The following GALNT17 variants were observed in gnomAD, a reference collection of about 807,000 sequenced individuals.
The protein encoded by GALNT17 is polypeptide N-acetylgalactosaminyltransferase 17, also known as UDP-GalNAc:polypeptide N-acetylgalactosaminyltransferase-like 3.
Under a neutral mutation model 63.7 loss-of-function variants are expected in GALNT17, and 29 were observed. The ratio of observed to expected loss-of-function variants is 0.46; its 90% CI spans 0.34 to 0.62. GALNT17 has a LOEUF of 0.62. GALNT17 is among the 20% of genes least tolerant of loss of function. GALNT17 has a pLI of 0.01. For missense variants in GALNT17, 603 were observed against 799.6 expected (o/e 0.75, Z 2.97); for synonymous variants, 305 against 318.3 (o/e 0.96, Z 0.45).
intron 1 of GALNT17, among the ~76,000 whole-genome samples, chr7:71,141,817 C>T (rs1787897684): frequency 6.7e-6 from 1 of 149,150 alleles, no homozygotes; most frequent in African/African-American, 2.5e-5. Flanking sequence ...GCTGGGATTA[C>T]AGGTATGCGC....
intron 6 of GALNT17, among the ~76,000 whole-genome samples, chr7:71,584,316 T>A (rs1440075370): frequency 6.6e-6 from 1 of 152,206 alleles, no homozygotes; most frequent in Non-Finnish European, 1.5e-5. Context: ...TTATGCTAAT[T>A]TCTTTTATTT....
intron 5 of GALNT17, among the ~76,000 whole-genome samples, chr7:71,459,646 T>C (rs1472309808): frequency 1.3e-5 from 2 of 152,212 alleles, no homozygotes; most frequent in Non-Finnish European, 2.9e-5. Context: ...TCCCAAAACA[T>C]GTTTCTTGGC....
intron 2 of GALNT17, among the ~76,000 whole-genome samples, chr7:71,350,288 C>T (rs1792167183): frequency 1.3e-5 from 2 of 152,086 alleles, no homozygotes; most frequent in South Asian, 4.2e-4. Flanking sequence ...TCAGTAAATA[C>T]TCGTCAATCA....
intron 6 of GALNT17, among the ~76,000 whole-genome samples, chr7:71,582,345 C>T (rs1003796290): frequency 6.6e-6 from 1 of 150,396 alleles, no homozygotes; most frequent in African/African-American, 2.5e-5. Flanking sequence ...GAGGTCAAGA[C>T]GGGCAGATCA....
chr7:71,383,501 C>T (rs6947624), intron 2 of GALNT17, among the ~76,000 whole-genome samples: 6,082 of 152,094 alleles, frequency 0.04, 350 homozygotes, highest in African/African-American at 0.12. Flanking sequence ...TGCAGTGGTG[C>T]GGTCATAGCT....
chr7:71,561,663 C>A (rs1789258189), intron 5 of GALNT17, among the ~76,000 whole-genome samples: 1 of 152,160 alleles, frequency 6.6e-6, no homozygotes, highest in Non-Finnish European at 1.5e-5. Context: ...GGAGATATGG[C>A]TGCCAGAGAA....
At position 71,265,118 on chromosome 7, in the gene GALNT17, A is replaced by ATATATTTTTTTTT. The variant is rs1390488895; in HGVS notation, c.239-70431_239-70430insATATTTTTTTTTT. Among the ~76,000 whole-genome samples the ATATATTTTTTTTT allele has an allele frequency of 1.0e-3, 39 of 37,414 alleles. 1 individual carries two copies. The highest frequency in any genetic ancestry group is 2.5e-3 in the South Asian group (2 of 800). 24.5% of individuals were successfully genotyped at this position (37,414 alleles called of 152,430 possible). A position where few individuals can be genotyped will look rare whatever the true frequency, so the allele number is the denominator to read the frequency against. ...AAATATTATATATATATATATATAT[A>ATATATTTTTTTTT]TTTTTTTTTTTTTTTTTTTTTTTTT... On this transcript the variant is annotated intron_variant, in intron 1 of 10. Coordinates refer to ENST00000333538, the MANE Select transcript of GALNT17 (RefSeq NM_022479.3).
chr7:71,646,359 C>A (rs1184945387), intron 6 of GALNT17, among the ~76,000 whole-genome samples: 1 of 152,222 alleles, frequency 6.6e-6, no homozygotes, highest in Non-Finnish European at 1.5e-5. Context: ...GATAACCCAG[C>A]TCAGCATGGC....
chr7:71,333,020 A>G (rs1305475146), intron 1 of GALNT17, among the ~76,000 whole-genome samples: 1 of 152,216 alleles, frequency 6.6e-6, no homozygotes, highest in Non-Finnish European at 1.5e-5. Flanking sequence ...TCACTCATCT[A>G]TTTAAAAGCG....
intron 5 of GALNT17, among the ~76,000 whole-genome samples, chr7:71,458,306 T>C (rs1057000812): frequency 1.3e-5 from 2 of 152,186 alleles, no homozygotes; most frequent in African/African-American, 4.8e-5. Flanking sequence ...TTGCAGGATG[T>C]GCTGCAGGGG....
chr7:71,707,895 G>T (rs986469514), intron 9 of GALNT17, among the ~76,000 whole-genome samples: 39 of 152,166 alleles, frequency 2.6e-4, no homozygotes, highest in Non-Finnish European at 2.2e-4. Context: ...AACATTCAAG[G>T]GATGGGGGAA....
At chr7:71,239,786 CTT>C (rs1162456088) in intron 1 of GALNT17, among the ~76,000 whole-genome samples, 6 of 152,180 alleles carry the variant, frequency 3.9e-5, no homozygotes, top group African/African-American at 1.4e-4. Context: ...TTAAAAATAA[CTT>C]TACTAGCTCA....
chr7:71,695,859 A>G (rs1470974950), intron 9 of GALNT17, among the ~76,000 whole-genome samples: 1 of 152,168 alleles, frequency 6.6e-6, no homozygotes, highest in Non-Finnish European at 1.5e-5. Flanking sequence ...CCTTGCTCTC[A>G]GGACAGCCTA....
At chr7:71,380,050 C>T (rs10266359) in intron 2 of GALNT17, among the ~76,000 whole-genome samples, 6,042 of 152,012 alleles carry the variant, frequency 0.04, 336 homozygotes, top group African/African-American at 0.12. Flanking sequence ...GAGGAAATAG[C>T]GATTATACAA....
intron 1 of GALNT17, among the ~76,000 whole-genome samples, chr7:71,228,459 A>C (rs1045729231): frequency 5.3e-5 from 8 of 152,206 alleles, no homozygotes; most frequent in Admixed American, 6.5e-5. Context: ...AAGGCCTTCA[A>C]ACAACAGAAA....
chr7:71,434,207 G>A (rs180734862), intron 5 of GALNT17, among the ~76,000 whole-genome samples: 1 of 152,264 alleles, frequency 6.6e-6, no homozygotes, highest in Non-Finnish European at 1.5e-5. Flanking sequence ...CTTATTGCGG[G>A]ACTTCACCTT....
chr7:71,314,655 C>T (rs1222193961), intron 1 of GALNT17, among the ~76,000 whole-genome samples: 5 of 152,116 alleles, frequency 3.3e-5, no homozygotes, highest in Non-Finnish European at 5.9e-5. Context: ...ATTCACTCTA[C>T]TTTGGGAGGC....
chr7:71,191,632 C>T (rs577882436), intron 1 of GALNT17, among the ~76,000 whole-genome samples: 26 of 152,264 alleles, frequency 1.7e-4, no homozygotes, highest in African/African-American at 4.8e-4. Context: ...ATTGCTGCGT[C>T]GTCTTCTATG....
At chr7:71,618,868 G>A (rs1169004943) in intron 6 of GALNT17, among the ~76,000 whole-genome samples, 1 of 152,128 alleles carries the variant, frequency 6.6e-6, no homozygotes. Flanking sequence ...TGGGGACTTA[G>A]CCAAACATTC....
Sources: allele counts gnomAD v4.1 joint callset (sites outside exome capture counted in the v4.1 genomes callset), GRCh38; gene constraint gnomAD v4.1.1; transcripts MANE v1.5; gene names NCBI Gene and HGNC (gene_info 2026-07-23, HGNC 2026-07-21).